Variants in TAFA5 observed in about 807,000 individuals in gnomAD.
TAFA5 encodes TAFA chemokine like family member 5.
TAFA5 carries 6 observed loss-of-function variants against 15.3 expected under a neutral mutation model. The observed-to-expected ratio is 0.39, with a 90% CI of 0.21 to 0.77. TAFA5 has a LOEUF of 0.77. Ranked by LOEUF, TAFA5 falls within the 30% of genes least tolerant of loss-of-function variation. The pLI is 0.41. For missense variants in TAFA5, 161 were observed against 193.1 expected (o/e 0.83, Z 0.98); for synonymous variants, 103 against 80.7 (o/e 1.28, Z -1.48).
chr22:48,538,677 A>G (rs1254234567), intron 1 of TAFA5, among the ~76,000 whole-genome samples: 1 of 152,128 alleles, frequency 6.6e-6, no homozygotes, highest in Non-Finnish European at 1.5e-5. Context: ...ATTCTTGACT[A>G]GCTACTTCCC....
intron 3 of TAFA5, among the ~76,000 whole-genome samples, chr22:48,718,021 C>A (rs963589766): frequency 6.6e-6 from 1 of 152,220 alleles, no homozygotes; most frequent in African/African-American, 2.4e-5. Flanking sequence ...GATAGAGCTG[C>A]CTTCACGAGC....
rs544360016 is a variant in TAFA5 at position 48,646,499 on chromosome 22, G to C, written c.113-98G>C. On this transcript the variant is annotated intron_variant, in intron 1 of 3. Coordinates refer to ENST00000402357, the MANE Select transcript of TAFA5 (RefSeq NM_001082967.3). ...AGCGGTCTCCCTGCCCTGTGGCCTG[G>C]CTGCTGGGGGCCCCTCTGTGGGTGG... 4,927 of 1,465,730 alleles carry C rather than the reference G, an allele frequency of 3.4e-3. 19 individuals carry two copies. Among genetic ancestry groups the C allele is most frequent in the Non-Finnish European group, 4.2e-3 (4,566 of 1,088,158 alleles). The allele number at this position is 1,465,730 out of a possible 1,614,324, so 90.8% of individuals were successfully genotyped here. A position where few individuals can be genotyped will look rare whatever the true frequency, so the allele number is the denominator to read the frequency against.
intron 1 of TAFA5, among the ~76,000 whole-genome samples, chr22:48,529,780 G>A (rs1389860058): frequency 2.6e-5 from 4 of 151,986 alleles, no homozygotes; most frequent in Non-Finnish European, 5.9e-5. Context: ...GTGTGTGGAC[G>A]GGGAGGGTGT....
intron 2 of TAFA5, among the ~76,000 whole-genome samples, chr22:48,680,425 T>G (rs1204576120): frequency 2.0e-5 from 3 of 151,942 alleles, no homozygotes; most frequent in Non-Finnish European, 4.4e-5. Flanking sequence ...CCTGTGGCAT[T>G]TAGTCTCCAT....
chr22:48,584,915 A>ACACACACACACACACAC (rs1173994536), intron 1 of TAFA5, among the ~76,000 whole-genome samples: 3 of 148,740 alleles, frequency 2.0e-5, no homozygotes, highest in Non-Finnish European at 4.5e-5. Context: ...CACACACACC[A>ACACACACACACACACAC]CACACACACA....
At position 48,751,474 on chromosome 22, in the gene TAFA5, G is replaced by C. The variant is rs1930492841; in HGVS notation, c.*1627G>C. The C allele has an allele frequency of 6.6e-6, 1 of 152,384 alleles. No individual in the cohort carries two copies. Among genetic ancestry groups the C allele is most frequent in the African/African-American group, 2.4e-5 (1 of 41,432 alleles). The allele number at this position is 152,384 out of a possible 1,614,324, so 9.4% of individuals were successfully genotyped here. A position where few individuals can be genotyped will look rare whatever the true frequency, so the allele number is the denominator to read the frequency against. On this transcript the variant is annotated 3_prime_UTR_variant, in exon 4 of 4. Coordinates refer to ENST00000402357, the MANE Select transcript of TAFA5 (RefSeq NM_001082967.3). ...TCCAATTAACATGAGTATTATGCTA[G>C]TTCTATCCTACTAAAAAAAACGTAA...
At chr22:48,695,558 A>G (rs995963908) in intron 2 of TAFA5, among the ~76,000 whole-genome samples, 1 of 152,200 alleles carries the variant, frequency 6.6e-6, no homozygotes, top group African/African-American at 2.4e-5. Flanking sequence ...TCTCAGGCAA[A>G]GGAGCACCAC....
At chr22:48,515,974 G>A (rs760667038) in intron 1 of TAFA5, among the ~76,000 whole-genome samples, 1 of 151,866 alleles carries the variant, frequency 6.6e-6, no homozygotes, top group Non-Finnish European at 1.5e-5. Context: ...AAGGCAACCC[G>A]GGCAGCCACC....
At chr22:48,689,351 T>A (rs542074179) in intron 2 of TAFA5, among the ~76,000 whole-genome samples, 234 of 152,198 alleles carry the variant, frequency 1.5e-3, no homozygotes, top group African/African-American at 5.3e-3. Flanking sequence ...GGTCCACATC[T>A]GGAGCACCCC....
At chr22:48,668,742 G>A (rs189524893) in intron 2 of TAFA5, among the ~76,000 whole-genome samples, 19 of 152,176 alleles carry the variant, frequency 1.2e-4, no homozygotes, top group East Asian at 1.2e-3. Flanking sequence ...ACTCGGGGCC[G>A]CGTCTTCACT....
intron 1 of TAFA5, among the ~76,000 whole-genome samples, chr22:48,569,617 T>C (rs1923515973): frequency 6.6e-6 from 1 of 152,210 alleles, no homozygotes; most frequent in Admixed American, 6.5e-5. Context: ...TGGAAGCCAC[T>C]GTGCGTTGCC....
At position 48,742,801 on chromosome 22, in the gene TAFA5, T is replaced by TGCTCAGCGGGGCTGAGTCCCCAGATGGGA. The variant is rs1930219701; in HGVS notation, c.391-7015_391-7014insATGGGAGCTCAGCGGGGCTGAGTCCCCAG. 1.3e-5 allele frequency among the ~76,000 whole-genome samples: 2 copies of TGCTCAGCGGGGCTGAGTCCCCAGATGGGA among 152,044 alleles called. No homozygotes were observed. Among genetic ancestry groups the TGCTCAGCGGGGCTGAGTCCCCAGATGGGA allele is most frequent in the Admixed American group, 1.3e-4 (2 of 15,274 alleles). On this transcript the variant is annotated intron_variant, in intron 3 of 3. Transcript: ENST00000402357. This position sits in a 1 kb window ranked among gnomAD's most constrained non-coding sequence, Gnocchi z 6.2. ...TTAGAAGAGGAGAGATGGCCTGGGG[T>TGCTCAGCGGGGCTGAGTCCCCAGATGGGA]GCTCAGCGGGGCTGAGTCCCCAGCT...
In TAFA5 at chr22:48,490,708, G is replaced by T. The variant is rs945619738; in HGVS notation, c.112+1004G>T. Among the ~76,000 whole-genome samples the T allele has an allele frequency of 6.6e-6, 1 of 151,204 alleles. No individual in the cohort carries two copies. The highest frequency in any genetic ancestry group is 1.5e-5 in the Non-Finnish European group (1 of 67,832). ...TGTCTTCAGCGGGAGAATAGGACGGGTGCTGGGGAGCACCTGTCATGGAGA... is the reference window on the plus strand; with the variant it reads ...TGTCTTCAGCGGGAGAATAGGACGGTTGCTGGGGAGCACCTGTCATGGAGA... On this transcript the variant is annotated intron_variant, in intron 1 of 3. Coordinates refer to ENST00000402357, the MANE Select transcript of TAFA5 (RefSeq NM_001082967.3). This position sits in a 1 kb window ranked among gnomAD's most constrained non-coding sequence, Gnocchi z 5.8.
intron 1 of TAFA5, among the ~76,000 whole-genome samples, chr22:48,528,374 G>A (rs187738094): frequency 3.3e-5 from 5 of 152,034 alleles, no homozygotes; most frequent in African/African-American, 7.2e-5. Context: ...TCCATTCCCC[G>A]ATGCCTGTGT....
chr22:48,712,774 C>G (rs1025314488), intron 3 of TAFA5, among the ~76,000 whole-genome samples: 4 of 152,212 alleles, frequency 2.6e-5, no homozygotes, highest in Non-Finnish European at 4.4e-5. Flanking sequence ...TGGGGACAGG[C>G]CTAGAGCTGC....
At chr22:48,668,901 G>T (rs1012910478) in intron 2 of TAFA5, among the ~76,000 whole-genome samples, 11 of 152,166 alleles carry the variant, frequency 7.2e-5, no homozygotes, top group Non-Finnish European at 1.2e-4. Flanking sequence ...AGATGAAAGG[G>T]CAGGACCAAG....
chr22:48,548,255 G>C (rs547534509), intron 1 of TAFA5, among the ~76,000 whole-genome samples: 5 of 152,334 alleles, frequency 3.3e-5, no homozygotes, highest in African/African-American at 1.2e-4. Context: ...GTAGCGAGGA[G>C]GATGGCTGGA....
intron 1 of TAFA5, among the ~76,000 whole-genome samples, chr22:48,646,304 C>T (rs41280561): frequency 0.061 from 9,219 of 152,240 alleles, 340 homozygotes; most frequent in East Asian, 0.13. Flanking sequence ...CATTTCCGGG[C>T]GTGATAAAGA....
At chr22:48,588,863 C>T (rs1924456927) in intron 1 of TAFA5, among the ~76,000 whole-genome samples, 1 of 152,154 alleles carries the variant, frequency 6.6e-6, no homozygotes, top group Non-Finnish European at 1.5e-5. Context: ...CCCCCGTGAT[C>T]TTCCCTGGGT....
Sources: allele counts gnomAD v4.1 joint callset (sites outside exome capture counted in the v4.1 genomes callset), GRCh38; gene constraint gnomAD v4.1.1; non-coding constraint Gnocchi (gnomAD v3.1); transcripts MANE v1.5; gene names NCBI Gene and HGNC (gene_info 2026-07-23, HGNC 2026-07-21).